The following TMPRSS13 variants were observed in gnomAD, a reference collection of about 807,000 sequenced individuals.
TMPRSS13 encodes transmembrane serine protease 13.
TMPRSS13 carries 50 observed loss-of-function variants against 68.4 expected under a neutral mutation model. The observed-to-expected ratio is 0.73, with a 90% CI of 0.58 to 0.93. The LOEUF (loss-of-function observed/expected upper bound fraction) is 0.93. TMPRSS13 is among the 40% of genes least tolerant of loss of function. The pLI is 0.00. For synonymous variants in TMPRSS13, 267 were observed against 285.8 expected (o/e 0.93, Z 0.66); for missense variants, 615 against 729.2 (o/e 0.84, Z 1.80).
In TMPRSS13 at chr11:117,902,149, C is replaced by A; in HGVS notation, c.*90G>T. On this transcript the variant is annotated 3_prime_UTR_variant, in exon 13 of 13. Transcript: ENST00000524993. ...GTGGGAGTCCGATGGTGCCCGGTGGCCATTAGCCCAGATGATGCCACACAT... is the reference window on the plus strand; with the variant it reads ...GTGGGAGTCCGATGGTGCCCGGTGGACATTAGCCCAGATGATGCCACACAT... 6.8e-7 allele frequency: 1 copy of A among 1,471,674 alleles called. No individual in the cohort carries two copies. 91.2% of individuals were successfully genotyped at this position (1,471,674 alleles called of 1,614,324 possible). A position where few individuals can be genotyped will look rare whatever the true frequency, so the allele number is the denominator to read the frequency against.
At chr11:117,916,423 C>T (rs1407801369) in intron 3 of TMPRSS13, among the ~76,000 whole-genome samples, 1 of 152,236 alleles carries the variant, frequency 6.6e-6, no homozygotes, top group Non-Finnish European at 1.5e-5. Flanking sequence ...TGCATCCAAC[C>T]CACACAGCTG....
rs563899064 is a variant in TMPRSS13 at position 117,901,260 on chromosome 11, G to A, written c.*979C>T. 1.2e-4 allele frequency: 18 copies of A among 152,680 alleles called. No homozygotes were observed. The highest frequency in any genetic ancestry group is 1.9e-4 in the East Asian group (1 of 5,180). The allele number at this position is 152,680 out of a possible 1,614,324, so 9.5% of individuals were successfully genotyped here. On this transcript the variant is annotated 3_prime_UTR_variant, in exon 13 of 13. Coordinates refer to ENST00000524993, the MANE Select transcript of TMPRSS13 (RefSeq NM_001077263.3). ...ACAGCATCTGTTTCTTAACGCCTTC[G>A]TCAGAGCCCTGGGATGCAGAAACAG...
chr11:117,911,182 T>C (rs769275070), intron 6 of TMPRSS13, among the ~76,000 whole-genome samples: 1 of 152,122 alleles, frequency 6.6e-6, no homozygotes, highest in Non-Finnish European at 1.5e-5. Context: ...CCCTCACCAT[T>C]ACTTCTCTTG....
At position 117,903,787 on chromosome 11, in the gene TMPRSS13, A is replaced by G; in HGVS notation, c.1545T>C (p.Leu515=). The G allele has an allele frequency of 6.2e-7, 1 of 1,611,616 alleles. No homozygotes were observed. Among genetic ancestry groups the G allele is most frequent in the Non-Finnish European group, 8.5e-7 (1 of 1,178,896 alleles). Reference sequence around the variant, plus strand: ...ACCAGCGGTTGTTCTGCTCACAGACAAGAGGCCCCCCGCTGTCTCCCTGCA... The same window carrying G: ...ACCAGCGGTTGTTCTGCTCACAGACGAGAGGCCCCCCGCTGTCTCCCTGCA... ...DSCQGDSGGP[L]VCEQNNRWYL... Residue 515 remains leucine, a synonymous_variant, in exon 12 of 13, where the codon CTT becomes CTC. Coordinates refer to ENST00000524993, the MANE Select transcript of TMPRSS13 (RefSeq NM_001077263.3).
Position 117,908,793 on chromosome 11 carries a change from G to A in TMPRSS13, c.1110-9C>T. On this transcript the variant is annotated splice_polypyrimidine_tract_variant and intron_variant, in intron 8 of 12. Coordinates refer to ENST00000524993, the MANE Select transcript of TMPRSS13 (RefSeq NM_001077263.3). The stretch of plus-strand genomic sequence containing the variant: ...GGACCTTCTCCCGGGTCCTGCAAGA[G>A]CCACAAAGGAGCGTGGTCCAGTACC... The A allele has an allele frequency of 6.3e-7, 1 of 1,595,018 alleles. No individual in the cohort carries two copies. The highest frequency in any genetic ancestry group is 8.5e-7 in the Non-Finnish European group (1 of 1,171,320).
In TMPRSS13 at chr11:117,909,967, G is replaced by A. The variant is rs763351383; in HGVS notation, c.948C>T (p.His316=). The A allele has an allele frequency of 1.9e-6, 3 of 1,613,752 alleles. No individual in the cohort carries two copies. Among genetic ancestry groups the A allele is most frequent in the Non-Finnish European group, 2.5e-6 (3 of 1,179,678 alleles). The change falls in exon 8 of 13, where the codon CAC becomes CAT. Residue 316 remains histidine, a splice_region_variant and synonymous_variant. Coordinates refer to ENST00000524993, the MANE Select transcript of TMPRSS13 (RefSeq NM_001077263.3). Reference sequence around the variant, plus strand: ...GCCCGGTCATGGCCCTCAGTCCGCAGTCTGGAGGGAAGGAGTAGACGTACT... The same window carrying A: ...GCCCGGTCATGGCCCTCAGTCCGCAATCTGGAGGGAAGGAGTAGACGTACT... ...SQRYISLQCS[H]CGLRAMTGRI...
chr11:117,911,696 C>T (rs1037892644), intron 6 of TMPRSS13, 72 bp downstream of exon 6: 6 of 1,293,120 alleles, frequency 4.6e-6, no homozygotes, highest in Non-Finnish European at 5.5e-6. Context: ...AGGGGGCTCC[C>T]TGACTCAAAG....
intron 12 of TMPRSS13, among the ~76,000 whole-genome samples, chr11:117,902,805 C>A (rs1431615758): frequency 6.6e-6 from 1 of 152,120 alleles, no homozygotes; most frequent in Non-Finnish European, 1.5e-5. Flanking sequence ...ATAGTAAATA[C>A]CGAGGATATT....
In TMPRSS13 at chr11:117,916,141, CT is replaced by C. The variant is rs139010545; in HGVS notation, c.556+1028del. 5.4e-3 allele frequency among the ~76,000 whole-genome samples: 821 copies of C among 152,306 alleles called. 14 individuals are homozygous for C. The highest frequency in any genetic ancestry group is 0.019 in the African/African-American group (786 of 41,542). On this transcript the variant is annotated intron_variant, in intron 3 of 12. Coordinates refer to ENST00000524993, the MANE Select transcript of TMPRSS13 (RefSeq NM_001077263.3). ...CTCCACCCTTCACCACTGGTGCTGCCTCTTTAACAGAATCCTTACTCTTTGG... is the reference window on the plus strand; with the variant it reads ...CTCCACCCTTCACCACTGGTGCTGCCCTTTAACAGAATCCTTACTCTTTGG...
At chr11:117,928,069 A>G (rs1346609863) in intron 1 of TMPRSS13, among the ~76,000 whole-genome samples, 1 of 152,188 alleles carries the variant, frequency 6.6e-6, no homozygotes, top group Non-Finnish European at 1.5e-5. Flanking sequence ...CCCTCCGGAT[A>G]GCTCAGCCCT....
At chr11:117,919,964 C>G (rs1002725965) in intron 1 of TMPRSS13, among the ~76,000 whole-genome samples, 3 of 152,338 alleles carry the variant, frequency 2.0e-5, no homozygotes, top group Non-Finnish European at 4.4e-5. Flanking sequence ...GGGCCAGGAA[C>G]ACCTTGGGAA....
chr11:117,913,804 T>G lies in TMPRSS13; in HGVS notation c.782A>C (p.Lys261Thr). 1.2e-6 allele frequency: 2 copies of G among 1,614,148 alleles called. No individual in the cohort carries two copies. The highest frequency in any genetic ancestry group is 1.7e-6 in the Non-Finnish European group (2 of 1,179,996). The change falls in exon 5 of 13, where the codon AAG (lysine) becomes ACG (threonine). Residue 261 changes from lysine to threonine, a missense_variant. Transcript: ENST00000524993. Reference sequence around the variant, plus strand: ...CTCGAAACCCAGCTGCTGGCAGGTCTTCTCTGAGTAGGAGTCATTCCAGTT... The same window carrying G: ...CTCGAAACCCAGCTGCTGGCAGGTCGTCTCTGAGTAGGAGTCATTCCAGTT... ...SSNWNDSYSE[K>T]TCQQLGFESA...
intron 10 of TMPRSS13, among the ~76,000 whole-genome samples, chr11:117,904,530 T>G (rs967159890): frequency 6.6e-6 from 1 of 152,030 alleles, no homozygotes. Flanking sequence ...CTGCCCACAG[T>G]CACACAGCTA....
At chr11:117,924,367 C>G (rs76046563) in intron 1 of TMPRSS13, among the ~76,000 whole-genome samples, 7,528 of 152,190 alleles carry the variant, frequency 0.049, 270 homozygotes, top group East Asian at 0.18. Context: ...CTCTTCCCCT[C>G]TCTGTCCCTT....
chr11:117,914,749 AAGAGAGAGAAAGAG>A lies in TMPRSS13; in HGVS notation c.557-249_557-236del, dbSNP rs959811529. 1.3e-5 allele frequency among the ~76,000 whole-genome samples: 2 copies of A among 152,054 alleles called. No homozygotes were observed. The highest frequency in any genetic ancestry group is 2.4e-5 in the African/African-American group (1 of 41,396). On this transcript the variant is annotated intron_variant, in intron 3 of 12. Coordinates refer to ENST00000524993, the MANE Select transcript of TMPRSS13 (RefSeq NM_001077263.3). The surrounding 1 kb of genome is among the most constrained non-coding windows in gnomAD (Gnocchi z 4.2). ...AGATTCAAGCAGCCAGCCACCCAGA[AAGAGAGAGAAAGAG>A]AGAGAGAGACAGAGAGTGCTGTGGA...
chr11:117,914,902 A>G lies in TMPRSS13; in HGVS notation c.557-388T>C, dbSNP rs2057560415. 6.6e-6 allele frequency among the ~76,000 whole-genome samples: 1 copy of G among 152,020 alleles called. No individual in the cohort carries two copies. Among genetic ancestry groups the G allele is most frequent in the African/African-American group, 2.4e-5 (1 of 41,354 alleles). On this transcript the variant is annotated intron_variant, in intron 3 of 12. Transcript: ENST00000524993. The surrounding 1 kb of genome is among the most constrained non-coding windows in gnomAD (Gnocchi z 4.2). ...CCTCTCAGAACCCCTCTGCCATCCCATCTTCTCTGTGCTCCGCAGGGTCAC... is the reference window on the plus strand; with the variant it reads ...CCTCTCAGAACCCCTCTGCCATCCCGTCTTCTCTGTGCTCCGCAGGGTCAC...
At chr11:117,918,862 C>T (rs1236354144) in intron 1 of TMPRSS13, 24 bp from the exon 2 acceptor site, 3 of 1,610,300 alleles carry the variant, frequency 1.9e-6, no homozygotes, top group Non-Finnish European at 2.5e-6. Flanking sequence ...GAAGAGTATC[C>T]CACAGGCTGC....
intron 1 of TMPRSS13, 110 bp downstream of exon 1, chr11:117,929,177 G>T: frequency 1.1e-6 from 1 of 877,948 alleles, no homozygotes. Context: ...GGCACAGCCA[G>T]TTTCCCCCAA....
intron 8 of TMPRSS13, among the ~76,000 whole-genome samples, chr11:117,909,116 TG>T (rs2057494384): frequency 6.6e-6 from 1 of 152,142 alleles, no homozygotes; most frequent in Admixed American, 6.5e-5. Flanking sequence ...GCTGAAACTC[TG>T]GGGCCTCGAT....
Sources: allele counts gnomAD v4.1 joint callset (sites outside exome capture counted in the v4.1 genomes callset), GRCh38; gene constraint gnomAD v4.1.1; non-coding constraint Gnocchi (gnomAD v3.1); transcripts MANE v1.5; gene names NCBI Gene and HGNC (gene_info 2026-07-23, HGNC 2026-07-21).